KIAA1217: variants seen among roughly 807,000 people sequenced by gnomAD.
KIAA1217 encodes the protein sickle tail protein homolog.
Under a neutral mutation model 163.9 loss-of-function variants are expected in KIAA1217, and 88 were observed. The ratio of observed to expected loss-of-function variants is 0.54; its 90% confidence interval spans 0.45 to 0.64. The LOEUF (loss-of-function observed/expected upper bound fraction) is 0.64. Among genes scored for constraint, KIAA1217 ranks in the 30% least tolerant of loss-of-function variants. The pLI, the probability that KIAA1217 is intolerant of heterozygous loss-of-function variation, is 0.00. For synonymous variants in KIAA1217, 903 were observed against 923.1 expected (o/e 0.98, Z 0.39); for missense variants, 2,372 against 2,475.0 (o/e 0.96, Z 0.88).
chr10:23,962,091 A>G (rs1427084900), intron 1 of KIAA1217, among the ~76,000 whole-genome samples: 2 of 152,216 alleles, frequency 1.3e-5, no homozygotes, highest in Admixed American at 6.5e-5. Flanking sequence ...ACTCAATTTA[A>G]CCCATTACAA....
At chr10:24,503,098 A>C (rs887754735) in intron 9 of KIAA1217, among the ~76,000 whole-genome samples, 1 of 152,234 alleles carries the variant, frequency 6.6e-6, no homozygotes, top group African/African-American at 2.4e-5. Flanking sequence ...CTTCTTCAGC[A>C]CAGCGACAGC....
At position 24,544,301 on chromosome 10, in the gene KIAA1217, AAATAC is replaced by A. The variant is rs750839474; in HGVS notation, c.5035_5039del (p.Thr1679GlnfsTer2). ...TGGAGCAGACCATTAAACAGCTCGAAAATACAATCAGTGAAATGAGTCCCAAAGCC... is the reference window on the plus strand; with the variant it reads ...TGGAGCAGACCATTAAACAGCTCGAAAATCAGTGAAATGAGTCCCAAAGCC... On this transcript the variant is annotated frameshift_variant, in exon 19 of 21. Transcript: ENST00000376454. LOFTEE classifies it high-confidence loss of function. The A allele has an allele frequency of 9.9e-6, 16 of 1,613,996 alleles. No homozygotes were observed. The highest frequency in any genetic ancestry group is 1.3e-5 in the Non-Finnish European group (15 of 1,180,036).
chr10:23,698,849 A>G (rs920333380), intron 1 of KIAA1217, among the ~76,000 whole-genome samples: 1 of 151,876 alleles, frequency 6.6e-6, no homozygotes, highest in African/African-American at 2.4e-5. Flanking sequence ...CAGTGGCATG[A>G]TCTCTGCTTA....
At chr10:23,949,251 C>G (rs902677290) in intron 1 of KIAA1217, among the ~76,000 whole-genome samples, 8 of 152,080 alleles carry the variant, frequency 5.3e-5, no homozygotes, top group African/African-American at 1.7e-4. Context: ...TCTAGCAAAA[C>G]AAGATACCCT....
intron 2 of KIAA1217, among the ~76,000 whole-genome samples, chr10:24,332,620 A>C (rs1477518227): frequency 6.6e-6 from 1 of 152,196 alleles, no homozygotes; most frequent in East Asian, 1.9e-4. Flanking sequence ...GATTGATTTT[A>C]GGAGAGTTGC....
chr10:24,188,543 T>G (rs1482860415), intron 2 of KIAA1217, among the ~76,000 whole-genome samples: 2 of 152,164 alleles, frequency 1.3e-5, no homozygotes, highest in South Asian at 2.1e-4. Flanking sequence ...TGACTGAAAT[T>G]GAAATTGCAA....
At chr10:23,992,210 A>T (rs936133478) in intron 1 of KIAA1217, among the ~76,000 whole-genome samples, 1 of 152,210 alleles carries the variant, frequency 6.6e-6, no homozygotes, top group African/African-American at 2.4e-5. Context: ...TCATTGTGGA[A>T]ATTACTTTGG....
intron 1 of KIAA1217, among the ~76,000 whole-genome samples, chr10:23,711,894 G>T (rs1837282134): frequency 6.6e-6 from 1 of 152,272 alleles, no homozygotes; most frequent in African/African-American, 2.4e-5. Context: ...AGCCTGATAT[G>T]ATCACTTTCA....
chr10:23,927,961 G>A (rs1256033250), intron 1 of KIAA1217, among the ~76,000 whole-genome samples: 1 of 152,204 alleles, frequency 6.6e-6, no homozygotes, highest in Non-Finnish European at 1.5e-5. Context: ...AAGGACTTGT[G>A]CTGTTAAACT....
intron 1 of KIAA1217, among the ~76,000 whole-genome samples, chr10:23,826,583 A>G (rs2131028009): frequency 6.6e-6 from 1 of 152,254 alleles, no homozygotes; most frequent in South Asian, 2.1e-4. Flanking sequence ...CTCCTCAGAG[A>G]TGCTCTTGTC....
chr10:24,022,345 A>G (rs1383237248), intron 2 of KIAA1217, among the ~76,000 whole-genome samples: 1 of 151,924 alleles, frequency 6.6e-6, no homozygotes, highest in Non-Finnish European at 1.5e-5. Flanking sequence ...GGAAATATGC[A>G]TATGAAATGA....
intron 5 of KIAA1217, among the ~76,000 whole-genome samples, chr10:24,461,741 AC>A (rs2062428455): frequency 6.6e-6 from 1 of 152,216 alleles, no homozygotes; most frequent in Non-Finnish European, 1.5e-5. Context: ...ATACATATAT[AC>A]ATTTTAATTC....
chr10:24,272,493 T>C (rs2076868353), intron 2 of KIAA1217, among the ~76,000 whole-genome samples: 1 of 152,194 alleles, frequency 6.6e-6, no homozygotes, highest in South Asian at 2.1e-4. Flanking sequence ...TAAAAGCTAC[T>C]CTAGGGAGCT....
chr10:24,300,592 G>T (rs1315118764), intron 2 of KIAA1217, among the ~76,000 whole-genome samples: 1 of 151,992 alleles, frequency 6.6e-6, no homozygotes, highest in African/African-American at 2.4e-5. Context: ...TTTTGAGATG[G>T]AGTCTCATTG....
intron 1 of KIAA1217, among the ~76,000 whole-genome samples, chr10:23,997,557 C>T (rs764592267): frequency 2.6e-5 from 4 of 152,154 alleles, no homozygotes; most frequent in Non-Finnish European, 5.9e-5. Context: ...TATAGGAAGA[C>T]GCTCAGGCTG....
intron 3 of KIAA1217, among the ~76,000 whole-genome samples, chr10:24,391,292 T>A (rs556931832): frequency 6.6e-6 from 1 of 150,956 alleles, no homozygotes; most frequent in Non-Finnish European, 1.5e-5. Flanking sequence ...GTGAGAGAGG[T>A]CTTAGAGAAG....
At chr10:24,469,832 G>A (rs955047081) in intron 5 of KIAA1217, among the ~76,000 whole-genome samples, 3 of 151,462 alleles carry the variant, frequency 2.0e-5, no homozygotes, top group South Asian at 2.1e-4. Flanking sequence ...GGCTGGTCTC[G>A]AACTCCTGAC....
chr10:24,093,240 G>T (rs886215005), intron 2 of KIAA1217, among the ~76,000 whole-genome samples: 2 of 151,374 alleles, frequency 1.3e-5, no homozygotes, highest in Non-Finnish European at 2.9e-5. Context: ...GCACCATCTC[G>T]GCTCACTGCA....
At chr10:24,257,102 A>G (rs751532912) in intron 2 of KIAA1217, among the ~76,000 whole-genome samples, 1 of 152,192 alleles carries the variant, frequency 6.6e-6, no homozygotes, top group Non-Finnish European at 1.5e-5. Context: ...ACCCATGGCC[A>G]TGGTACTGGT....
Sources: allele counts gnomAD v4.1 joint callset (sites outside exome capture counted in the v4.1 genomes callset), GRCh38; gene constraint gnomAD v4.1.1; transcripts MANE v1.5; gene names NCBI Gene and HGNC (gene_info 2026-07-23, HGNC 2026-07-21).